SOCS5: variants seen among roughly 807,000 people sequenced by gnomAD.
SOCS5 encodes the protein CIS-6.
SOCS5 carries 32 observed loss-of-function variants against 42.8 expected under a neutral mutation model. The ratio of observed to expected loss-of-function variants is 0.75; its 90% CI spans 0.56 to 1.01. The LOEUF (loss-of-function observed/expected upper bound fraction) is 1.01. SOCS5 is among the 50% of genes least tolerant of loss of function. The probability of loss-of-function intolerance (pLI) is 0.00; values close to 1 mark genes in which losing one functional copy is unlikely to be tolerated. For missense variants in SOCS5, 627 were observed against 653.0 expected (o/e 0.96, Z 0.43); for synonymous variants, 283 against 229.6 (o/e 1.23, Z -2.10).
intron 1 of SOCS5, among the ~76,000 whole-genome samples, chr2:46,727,239 C>A (rs1396658677): frequency 6.6e-6 from 1 of 151,254 alleles, no homozygotes; most frequent in Admixed American, 6.6e-5. Context: ...AGCTCCGCCT[C>A]CCGGGTTCAC....
At chr2:46,712,944 A>T (rs1421331397) in intron 1 of SOCS5, among the ~76,000 whole-genome samples, 1 of 152,124 alleles carries the variant, frequency 6.6e-6, no homozygotes, top group Non-Finnish European at 1.5e-5. Context: ...ATTTTGTGGA[A>T]GAGTTTGGAT....
chr2:46,761,926 A>G lies in SOCS5; in HGVS notation c.*1785A>G, dbSNP rs1402827221. ...ATAAATGAAAGATTGAAACTATCCA[A>G]TGACATATTATAGTAAATGAGTATC... On this transcript the variant is annotated 3_prime_UTR_variant, in exon 2 of 2. Coordinates refer to ENST00000394861, the MANE Select transcript of SOCS5 (RefSeq NM_144949.3). The G allele has an allele frequency of 6.0e-6, 1 of 167,022 alleles. No individual in the cohort carries two copies. The highest frequency in any genetic ancestry group is 1.5e-5 in the Non-Finnish European group (1 of 68,084). The allele number at this position is 167,022 out of a possible 1,614,324, so 10.3% of individuals were successfully genotyped here.
At chr2:46,737,470 A>G (rs1673278898) in intron 1 of SOCS5, among the ~76,000 whole-genome samples, 1 of 152,206 alleles carries the variant, frequency 6.6e-6, no homozygotes, top group African/African-American at 2.4e-5. Flanking sequence ...ATCAGATAGC[A>G]ATCTGATAAC....
chr2:46,718,106 TG>T (rs1391598791), intron 1 of SOCS5, among the ~76,000 whole-genome samples: 6 of 152,234 alleles, frequency 3.9e-5, no homozygotes, highest in South Asian at 2.1e-4. Context: ...TGTGTGTGTG[TG>T]TGTGTGTGTG....
Position 46,759,436 on chromosome 2 carries a change from A to T in SOCS5, c.906A>T (p.Lys302Asn). The change falls in exon 2 of 2, where the codon AAA becomes AAT. Residue 302 changes from lysine (K) to asparagine (N), a missense_variant. Lys to Asn is a moderately conservative substitution (Grantham distance 94). Transcript: ENST00000394861. ...ATCCATTATATAAACTGGGACCAAA[A>T]TTAGCTCCTGGAATGACTGAAATAA... The part of the protein sequence containing the change: ...QVNPLYKLGP[K>N]LAPGMTEISG... 6.2e-7 allele frequency: 1 copy of T among 1,614,016 alleles called. No individual in the cohort carries two copies. Among genetic ancestry groups the T allele is most frequent in the Non-Finnish European group, 8.5e-7 (1 of 1,179,864 alleles).
At chr2:46,701,888 C>G (rs1382014386) in intron 1 of SOCS5, among the ~76,000 whole-genome samples, 2 of 150,026 alleles carry the variant, frequency 1.3e-5, no homozygotes, top group African/African-American at 5.0e-5. Context: ...ATTATGTGAA[C>G]ATTATTATTT....
chr2:46,724,588 C>T (rs1024971156), intron 1 of SOCS5, among the ~76,000 whole-genome samples: 5 of 151,788 alleles, frequency 3.3e-5, no homozygotes, highest in Admixed American at 2.0e-4. Flanking sequence ...CTTTTCAGTT[C>T]GAGATATTTT....
intron 1 of SOCS5, among the ~76,000 whole-genome samples, chr2:46,712,849 G>A (rs988448652): frequency 5.3e-5 from 8 of 152,062 alleles, no homozygotes; most frequent in Non-Finnish European, 5.9e-5. Flanking sequence ...TTCAATGAGG[G>A]ATTATTCTTG....
chr2:46,742,437 A>C (rs761184606), intron 1 of SOCS5, among the ~76,000 whole-genome samples: 1 of 147,376 alleles, frequency 6.8e-6, no homozygotes, highest in African/African-American at 2.5e-5. Flanking sequence ...ATTAATTTTC[A>C]ACATATGACA....
Position 46,760,114 on chromosome 2 carries a change from G to C in SOCS5, c.1584G>C (p.Leu528Phe), listed in dbSNP as rs1165593690. 3.1e-6 allele frequency: 5 copies of C among 1,613,514 alleles called. No individual in the cohort carries two copies. The South Asian group carries it at 5.5e-5, about 18-fold the overall frequency. The change falls in exon 2 of 2, where the codon TTG (leucine) becomes TTC (phenylalanine). Residue 528 changes from leucine to phenylalanine, a missense_variant. Leu to Phe is a conservative substitution (Grantham distance 22). Coordinates refer to ENST00000394861, the MANE Select transcript of SOCS5 (RefSeq NM_144949.3). ...AACAAAAAGTTAGAGTTCGCTGGTT[G>C]GAACGAGAACCAGTCAAGGCAAAGT... ...HYKQKVRVRW[L>F]EREPVKAK
At position 46,761,732 on chromosome 2, in the gene SOCS5, A is replaced by C. The variant is rs888497325; in HGVS notation, c.*1591A>C. 6.0e-6 allele frequency: 1 copy of C among 166,578 alleles called. No homozygotes were observed. Among genetic ancestry groups the C allele is most frequent in the African/African-American group, 2.4e-5 (1 of 41,462 alleles). The allele number at this position is 166,578 out of a possible 1,614,324, so 10.3% of individuals were successfully genotyped here. A position where few individuals can be genotyped will look rare whatever the true frequency, so the allele number is the denominator to read the frequency against. On this transcript the variant is annotated 3_prime_UTR_variant, in exon 2 of 2. Transcript: ENST00000394861. ...TTAATGCAGAGTTAATGAACAGTCT[A>C]ATATTGACTTATCAGAATAAGCTAA...
chr2:46,738,733 T>G (rs1362337315), intron 1 of SOCS5, among the ~76,000 whole-genome samples: 1 of 152,060 alleles, frequency 6.6e-6, no homozygotes, highest in Non-Finnish European at 1.5e-5. Context: ...ATGTATGTGT[T>G]AAAAAATCTT....
intron 1 of SOCS5, among the ~76,000 whole-genome samples, chr2:46,730,391 A>G (rs1287288768): frequency 6.6e-6 from 1 of 152,152 alleles, no homozygotes; most frequent in Non-Finnish European, 1.5e-5. Flanking sequence ...GCTTGAGGCC[A>G]GGAGTTTGAG....
chr2:46,718,063 C>G (rs1157904971), intron 1 of SOCS5, among the ~76,000 whole-genome samples: 2 of 150,646 alleles, frequency 1.3e-5, no homozygotes, highest in African/African-American at 2.5e-5. Flanking sequence ...ACTTCAAGCT[C>G]TATTTCCTCA....
rs115363135 is a variant in SOCS5 at position 46,755,138 on chromosome 2, G to A, written c.-12-3381G>A. Among the ~76,000 whole-genome samples the A allele has an allele frequency of 7.0e-3, 1,067 of 152,204 alleles. 18 individuals carry two copies. Among genetic ancestry groups the A allele is most frequent in the African/African-American group, 0.025 (1,026 of 41,554 alleles). ...AAGGATTTGAGTTGTCACATTCTTC[G>A]TCTTTATGGCATTCAGCATTAAGAA... On this transcript the variant is annotated intron_variant, in intron 1 of 1. Transcript: ENST00000394861.
chr2:46,719,501 T>C (rs144107866), intron 1 of SOCS5, among the ~76,000 whole-genome samples: 39 of 152,316 alleles, frequency 2.6e-4, no homozygotes, highest in African/African-American at 8.9e-4. Context: ...AGTTTTGATC[T>C]TGCTTTCTCA....
rs765351668 is a variant in SOCS5, at chr2:46,758,922, A to G, written c.392A>G (p.Lys131Arg). 3 of 1,613,908 alleles carry G rather than the reference A, an allele frequency of 1.9e-6. No individual in the cohort carries two copies. In the East Asian group the frequency reaches 6.7e-5, roughly 36 times the overall value. Residue 131 changes from lysine (K) to arginine (R), a missense_variant, in exon 2 of 2, where the codon AAG (lysine) becomes AGG (arginine). This residue lies in a region of SOCS5 where 278 missense variants were observed against 246.3 expected (regional missense o/e 1.13). Coordinates refer to ENST00000394861, the MANE Select transcript of SOCS5 (RefSeq NM_144949.3). ...GGKKKHSCSTKTQSSLDADKK... is the reference protein window; with the variant it reads ...GGKKKHSCSTRTQSSLDADKK... ...AAGAAAAAACATTCCTGTTCTACAA[A>G]GACCCAGAGTTCATTGGATGCTGAT... is the stretch of plus-strand genomic sequence containing the variant.
At chr2:46,747,401 AG>A (rs908816428) in intron 1 of SOCS5, among the ~76,000 whole-genome samples, 2 of 152,016 alleles carry the variant, frequency 1.3e-5, no homozygotes, top group Non-Finnish European at 2.9e-5. Context: ...TTGTATATAG[AG>A]GCAGGGTTTT....
At chr2:46,735,104 C>A in intron 1 of SOCS5, among the ~76,000 whole-genome samples, 1 of 152,232 alleles carries the variant, frequency 6.6e-6, no homozygotes, top group Admixed American at 6.5e-5. Context: ...TAGTTGGGTA[C>A]GGTAGCAAGT....
Sources: allele counts gnomAD v4.1 joint callset (sites outside exome capture counted in the v4.1 genomes callset), GRCh38; gene constraint gnomAD v4.1.1; regional missense constraint gnomAD v4.1.1; transcripts MANE v1.5; gene names NCBI Gene and HGNC (gene_info 2026-07-23, HGNC 2026-07-21).